The following ATXN8OS variants were observed in gnomAD, a reference collection of about 807,000 sequenced individuals.
The protein encoded by ATXN8OS is ATXN8 opposite strand lncRNA.
intron 2 of ATXN8OS, among the ~76,000 whole-genome samples, chr13:70,124,190 TG>T (rs1311223655): frequency 6.6e-6 from 1 of 152,136 alleles, no homozygotes; most frequent in Non-Finnish European, 1.5e-5. Flanking sequence ...AAGCAAATAT[TG>T]GTGGGCGGTC....
At chr13:70,127,075 C>G (rs1290934205) in intron 2 of ATXN8OS, among the ~76,000 whole-genome samples, 5 of 151,744 alleles carry the variant, frequency 3.3e-5, no homozygotes, top group African/African-American at 9.7e-5. Flanking sequence ...ATGTCTTTAT[C>G]TATTTCCATC....
intron 3 of ATXN8OS, among the ~76,000 whole-genome samples, chr13:70,141,816 CAGA>C (rs1217045846): frequency 6.6e-6 from 1 of 151,916 alleles, no homozygotes; most frequent in African/African-American, 2.4e-5. Flanking sequence ...TAGAATGTTT[CAGA>C]AGGTCAGTAT....
In ATXN8OS at chr13:70,115,050, A is replaced by C. The variant is rs1046909472; in HGVS notation, n.241-91A>C. 10 of 388,008 alleles carry C rather than the reference A, an allele frequency of 2.6e-5. No homozygotes were observed. The East Asian group carries it at 3.6e-4, about 14-fold the overall frequency. 24.0% of individuals were successfully genotyped at this position (388,008 alleles called of 1,614,324 possible). ...AACGTGTGTGTGTGTGTGTGTGTGC[A>C]TGTGTGGGTGTGTTAGTCCCTTTTG... is the stretch of plus-strand genomic sequence containing the variant. On this transcript the variant is annotated intron_variant and non_coding_transcript_variant, in intron 1 of 4. Transcript: ENST00000678624.
chr13:70,152,432 CAT>C (rs886397332), intron 4 of ATXN8OS, among the ~76,000 whole-genome samples: 12 of 151,488 alleles, frequency 7.9e-5, no homozygotes, highest in East Asian at 3.9e-4. Context: ...CACATATGTA[CAT>C]ATATGTGTAT....
At chr13:70,130,255 A>T (rs1328791405) in intron 3 of ATXN8OS, among the ~76,000 whole-genome samples, 1 of 152,284 alleles carries the variant, frequency 6.6e-6, no homozygotes, top group East Asian at 1.9e-4. Context: ...CCAGCTTTGA[A>T]TCATTAAATC....
At chr13:70,111,449 T>C (rs2137467654) in intron 1 of ATXN8OS, among the ~76,000 whole-genome samples, 1 of 152,290 alleles carries the variant, frequency 6.6e-6, no homozygotes, top group South Asian at 2.1e-4. Context: ...CATATGGCAA[T>C]GGGGTTAAGC....
intron 2 of ATXN8OS, among the ~76,000 whole-genome samples, chr13:70,124,806 T>C (rs1282316405): frequency 6.6e-6 from 1 of 152,144 alleles, no homozygotes; most frequent in African/African-American, 2.4e-5. Flanking sequence ...ACTAATAGTC[T>C]AGCTTTGAAA....
upstream of ATXN8OS, chr13:70,107,544 G>T (rs1005673658): frequency 6.2e-7 from 1 of 1,609,468 alleles, no homozygotes; most frequent in Non-Finnish European, 8.5e-7. Context: ...GGCGACTCTG[G>T]CTGGGTCCCC....
chr13:70,117,724 T>C (rs184378176), intron 2 of ATXN8OS, among the ~76,000 whole-genome samples: 87 of 152,140 alleles, frequency 5.7e-4, no homozygotes, highest in African/African-American at 2.0e-3. Context: ...ATCTGCAAAA[T>C]AGAAGTTAAC....
intron 3 of ATXN8OS, among the ~76,000 whole-genome samples, chr13:70,140,599 A>G (rs1417456288): frequency 6.6e-6 from 1 of 151,816 alleles, no homozygotes; most frequent in African/African-American, 2.4e-5. Flanking sequence ...GTTCATAGCT[A>G]TGATAACACT....
At chr13:70,107,465 A>C, upstream of ATXN8OS, 1 of 1,614,102 alleles carries the variant, frequency 6.2e-7, no homozygotes, top group Non-Finnish European at 8.5e-7. Flanking sequence ...GGGGAGGACG[A>C]TGAAGAGGAA....
chr13:70,140,136 AAACTGATG>A (rs1888690478), intron 3 of ATXN8OS, among the ~76,000 whole-genome samples: 1 of 152,172 alleles, frequency 6.6e-6, no homozygotes, highest in Middle Eastern at 3.2e-3. Context: ...GCAGTGGTAG[AAACTGATG>A]GAGTTAGTAT....
intron 3 of ATXN8OS, among the ~76,000 whole-genome samples, chr13:70,145,543 G>A (rs1409796965): frequency 1.3e-5 from 2 of 151,884 alleles, no homozygotes; most frequent in African/African-American, 4.8e-5. Context: ...GTGGTTTGTA[G>A]TTCTCCTTGA....
At chr13:70,129,283 A>G (rs1888492559) in intron 2 of ATXN8OS, among the ~76,000 whole-genome samples, 1 of 152,174 alleles carries the variant, frequency 6.6e-6, no homozygotes, top group Non-Finnish European at 1.5e-5. Flanking sequence ...GTTTATTTGA[A>G]GGATTGGTAT....
intron 3 of ATXN8OS, among the ~76,000 whole-genome samples, chr13:70,141,569 G>C (rs1428033930): frequency 6.6e-6 from 1 of 151,958 alleles, no homozygotes; most frequent in Non-Finnish European, 1.5e-5. Flanking sequence ...CAATCTGTAA[G>C]AAATTTATAT....
chr13:70,144,607 T>C (rs938596580), intron 3 of ATXN8OS, among the ~76,000 whole-genome samples: 16 of 152,228 alleles, frequency 1.1e-4, no homozygotes, highest in South Asian at 4.1e-4. Context: ...AGTCCTTTAA[T>C]ATATCTTTCC....
chr13:70,126,576 G>T (rs958116786), intron 2 of ATXN8OS, among the ~76,000 whole-genome samples: 1 of 150,470 alleles, frequency 6.6e-6, no homozygotes, highest in Non-Finnish European at 1.5e-5. Context: ...TAAATAGATC[G>T]ATGTAAACTA....
chr13:70,126,821 A>T (rs151190448), intron 2 of ATXN8OS, among the ~76,000 whole-genome samples: 38 of 151,884 alleles, frequency 2.5e-4, no homozygotes, highest in African/African-American at 8.7e-4. Flanking sequence ...GATAAAGATA[A>T]CCTTATATCT....
chr13:70,139,416 G>T lies in ATXN8OS; in HGVS notation n.500-7939G>T, dbSNP rs1004886735. 6 of 755,976 alleles carry T rather than the reference G, an allele frequency of 7.9e-6. No homozygotes were observed. The East Asian group carries it at 1.7e-4, about 22-fold the overall frequency. The allele number at this position is 755,976 out of a possible 1,614,324, so 46.8% of individuals were successfully genotyped here. ...TGCTGCTGCTGCTGCTGCTGCTGCT[G>T]CTGCTGCTGCTGCATTTTTTAAAAA... On this transcript the variant is annotated intron_variant and non_coding_transcript_variant, in intron 3 of 4. Transcript: ENST00000678624.
Sources: allele counts gnomAD v4.1 joint callset (sites outside exome capture counted in the v4.1 genomes callset), GRCh38; gene constraint gnomAD v4.1.1; transcripts MANE v1.5; gene names NCBI Gene and HGNC (gene_info 2026-07-23, HGNC 2026-07-21).